KCNB2: variants seen among roughly 807,000 people sequenced by gnomAD.
KCNB2 encodes potassium voltage-gated channel subfamily B member 2.
In KCNB2, 15 loss-of-function variants were observed where a neutral mutation model predicts 61.5. That is an observed-to-expected ratio of 0.24 (90% CI 0.16 to 0.38). The LOEUF is 0.38. Among genes scored for constraint, KCNB2 ranks in the 10% least tolerant of loss-of-function variants. KCNB2 has a pLI of 1.00. For synonymous variants in KCNB2, 457 were observed against 446.0 expected (o/e 1.02, Z -0.31); for missense variants, 828 against 1,125.2 (o/e 0.74, Z 3.78).
intron 2 of KCNB2, among the ~76,000 whole-genome samples, chr8:72,929,254 A>G (rs535121878): frequency 6.6e-6 from 1 of 152,248 alleles, no homozygotes; most frequent in Non-Finnish European, 1.5e-5. Flanking sequence ...ACTAAAATCA[A>G]CAAGCTGGTT....
intron 2 of KCNB2, among the ~76,000 whole-genome samples, chr8:72,594,206 A>G (rs2128981735): frequency 6.6e-6 from 1 of 152,308 alleles, no homozygotes; most frequent in South Asian, 2.1e-4. Flanking sequence ...AGAAGATAAA[A>G]CAAGTTCCTT....
intron 2 of KCNB2, among the ~76,000 whole-genome samples, chr8:72,833,195 C>T (rs1809727047): frequency 6.6e-6 from 1 of 152,100 alleles, no homozygotes; most frequent in Admixed American, 6.5e-5. Context: ...AGAGATCAAG[C>T]AAGTAATGAG....
intron 2 of KCNB2, among the ~76,000 whole-genome samples, chr8:72,577,958 A>T (rs1806824766): frequency 6.6e-6 from 1 of 152,336 alleles, no homozygotes; most frequent in East Asian, 1.9e-4. Flanking sequence ...AACCAAATGG[A>T]TTCTTCAAAT....
At chr8:72,539,822 G>T (rs564031918) in intron 1 of KCNB2, among the ~76,000 whole-genome samples, 39 of 152,294 alleles carry the variant, frequency 2.6e-4, no homozygotes, top group African/African-American at 8.4e-4. Context: ...ATTCAGAGGA[G>T]TTAGTAGAAA....
chr8:72,882,702 G>A (rs1805737100), intron 2 of KCNB2, among the ~76,000 whole-genome samples: 1 of 149,374 alleles, frequency 6.7e-6, no homozygotes, highest in Admixed American at 6.8e-5. Context: ...TCCTCAAGGA[G>A]CTCTAGAAAT....
At chr8:72,562,798 C>T (rs546625040) in intron 1 of KCNB2, among the ~76,000 whole-genome samples, 7 of 152,194 alleles carry the variant, frequency 4.6e-5, no homozygotes, top group Admixed American at 3.3e-4. Context: ...TTATGATAGA[C>T]ATAAATTCAC....
intron 2 of KCNB2, among the ~76,000 whole-genome samples, chr8:72,606,959 A>G (rs190662937): frequency 6.6e-6 from 1 of 152,310 alleles, no homozygotes; most frequent in African/African-American, 2.4e-5. Context: ...CTGAGGGATC[A>G]GTGTTGAGGA....
At chr8:72,815,578 T>C (rs1809383438) in intron 2 of KCNB2, among the ~76,000 whole-genome samples, 1 of 152,170 alleles carries the variant, frequency 6.6e-6, no homozygotes, top group South Asian at 2.1e-4. Flanking sequence ...ATTTGCTGAA[T>C]AAATGAATGA....
chr8:72,829,295 G>A (rs1809649695), intron 2 of KCNB2, among the ~76,000 whole-genome samples: 1 of 152,122 alleles, frequency 6.6e-6, no homozygotes, highest in Non-Finnish European at 1.5e-5. Flanking sequence ...CATCCAACTT[G>A]CCACATCACT....
At position 72,882,627 on chromosome 8, in the gene KCNB2, C is replaced by T. The variant is rs554593847; in HGVS notation, c.580-53308C>T. On this transcript the variant is annotated intron_variant, in intron 2 of 2. Transcript: ENST00000523207. ...GGGCCAGTAGTGAGACCCAGTCGGT[C>T]GTGGGATTCCAGCAGCTGGTGCTTT... is the stretch of plus-strand genomic sequence containing the variant. Among the ~76,000 whole-genome samples the T allele has an allele frequency of 5.7e-4, 86 of 150,910 alleles. No individual in the cohort carries two copies. In the Middle Eastern group the frequency reaches 0.017, roughly 30 times the overall value.
intron 2 of KCNB2, among the ~76,000 whole-genome samples, chr8:72,569,273 T>A (rs1806674822): frequency 6.6e-6 from 1 of 152,124 alleles, no homozygotes; most frequent in African/African-American, 2.4e-5. Flanking sequence ...AAGGGAAGAG[T>A]GTGTCATCAC....
chr8:72,663,739 A>G (rs1455378196), intron 2 of KCNB2, among the ~76,000 whole-genome samples: 5 of 152,306 alleles, frequency 3.3e-5, no homozygotes, highest in African/African-American at 4.8e-5. Context: ...TGTGAGATAG[A>G]TTGGTGTGGA....
At chr8:72,556,174 C>T (rs1022216722) in intron 1 of KCNB2, among the ~76,000 whole-genome samples, 2 of 152,018 alleles carry the variant, frequency 1.3e-5, no homozygotes, top group African/African-American at 4.8e-5. Flanking sequence ...TGATGGAAAT[C>T]GATAAGTTCA....
At chr8:72,828,878 C>T (rs781315228) in intron 2 of KCNB2, among the ~76,000 whole-genome samples, 65 of 151,988 alleles carry the variant, frequency 4.3e-4, no homozygotes, top group African/African-American at 6.3e-4. Context: ...TTTGCAAATA[C>T]CGCCTTGTAT....
intron 2 of KCNB2, among the ~76,000 whole-genome samples, chr8:72,858,429 GAT>G (rs1249498016): frequency 6.6e-6 from 1 of 152,130 alleles, no homozygotes; most frequent in Non-Finnish European, 1.5e-5. Context: ...AAGAAAAAAA[GAT>G]ATATGTATGC....
intron 1 of KCNB2, among the ~76,000 whole-genome samples, chr8:72,561,743 A>G (rs75758260): frequency 0.011 from 305 of 27,764 alleles, 24 homozygotes; most frequent in Admixed American, 0.025. Context: ...ATCTATATAT[A>G]TATGTATATA....
intron 2 of KCNB2, among the ~76,000 whole-genome samples, chr8:72,777,524 A>G (rs1315906290): frequency 1.3e-5 from 2 of 152,192 alleles, no homozygotes; most frequent in Non-Finnish European, 2.9e-5. Context: ...TTTGGTCTCC[A>G]GTTCTTGGTT....
At chr8:72,725,565 G>A (rs76588730) in intron 2 of KCNB2, among the ~76,000 whole-genome samples, 10,866 of 47,266 alleles carry the variant, frequency 0.23, 1,098 homozygotes, top group African/African-American at 0.39. Flanking sequence ...ATGTATATAT[G>A]TATATATATG....
chr8:72,779,134 A>G (rs9942775), intron 2 of KCNB2, among the ~76,000 whole-genome samples: 6,727 of 152,238 alleles, frequency 0.044, 377 homozygotes, highest in African/African-American at 0.13. Flanking sequence ...TTAGTCTGTC[A>G]CTTTCTGAGT....
Sources: allele counts gnomAD v4.1 joint callset (sites outside exome capture counted in the v4.1 genomes callset), GRCh38; gene constraint gnomAD v4.1.1; transcripts MANE v1.5; gene names NCBI Gene and HGNC (gene_info 2026-07-23, HGNC 2026-07-21).